Variants in PLA2R1 observed in about 807,000 individuals in gnomAD.
PLA2R1 encodes the protein secretory phospholipase A2 receptor.
A neutral mutation model predicts 195.9 loss-of-function variants in PLA2R1; 158 were observed. That is an observed-to-expected ratio of 0.81 (90% CI 0.71 to 0.92). The LOEUF (loss-of-function observed/expected upper bound fraction) is 0.92. PLA2R1 is among the 40% of genes least tolerant of loss of function. The pLI is 0.00. For synonymous variants in PLA2R1, 586 were observed against 598.2 expected, an observed-to-expected ratio of 0.98 and a Z score of 0.30; for missense variants, 1,626 against 1,764.6, an observed-to-expected ratio of 0.92 and a Z score of 1.41.
At chr2:159,987,495 T>A in intron 11 of PLA2R1, 137 bp from the exon 12 acceptor site, 2 of 632,986 alleles carry the variant, frequency 3.2e-6, no homozygotes, top group South Asian at 1.9e-5. Flanking sequence ...TGAAAACGAA[T>A]GTCTTATTGA....
chr2:160,005,211 T>C (rs1691892873), intron 11 of PLA2R1, among the ~76,000 whole-genome samples: 1 of 152,192 alleles, frequency 6.6e-6, no homozygotes, highest in African/African-American at 2.4e-5. Context: ...TCCCAGCACT[T>C]TGGGAGGCCA....
chr2:160,016,853 G>A (rs1361776517), intron 8 of PLA2R1, 141 bp from the exon 9 acceptor site: 1 of 605,984 alleles, frequency 1.7e-6, no homozygotes, highest in Admixed American at 2.9e-5. Context: ...CTTTGTCACG[G>A]AAAGGGTTGA....
chr2:160,029,772 A>G (rs1399678723), intron 4 of PLA2R1, among the ~76,000 whole-genome samples: 1 of 152,102 alleles, frequency 6.6e-6, no homozygotes, highest in Non-Finnish European at 1.5e-5. Flanking sequence ...TTTCGGGGGG[A>G]AAAAAACCAA....
Position 160,057,293 on chromosome 2 carries a change from G to C in PLA2R1, c.109+5002C>G, listed in dbSNP as rs1695613400. 2.6e-5 allele frequency among the ~76,000 whole-genome samples: 4 copies of C among 152,158 alleles called. No individual in the cohort carries two copies. The South Asian group carries it at 6.2e-4, about 24-fold the overall frequency. ...AAGTAATGCTTCATGTCAGTGGCCA[G>C]TGCCTGTTTCCCAGGAGGCCTGGCT... On this transcript the variant is annotated intron_variant, in intron 1 of 29. Coordinates refer to ENST00000283243, the MANE Select transcript of PLA2R1 (RefSeq NM_007366.5).
In PLA2R1 at chr2:159,949,626, T is replaced by C. The variant is rs1310917123; in HGVS notation, c.3691A>G (p.Ile1231Val). 1 of 1,613,906 alleles carries C rather than the reference T, an allele frequency of 6.2e-7. No individual in the cohort carries two copies. Among genetic ancestry groups the C allele is most frequent in the Non-Finnish European group, 8.5e-7 (1 of 1,179,800 alleles). Residue 1231 changes from isoleucine (I) to valine (V), a missense_variant, in exon 25 of 30, where the codon ATT (isoleucine) becomes GTT (valine). Physicochemically the swap from Ile to Val is conservative, Grantham distance 29. Transcript: ENST00000283243. ...AACCTACCAGGTGGCACATGACAAA[T>C]GGCACCTTGCAGAAATGACTCGCAG... ...TACESFLQGAICHVPPETRQS... is the reference protein window; with the variant it reads ...TACESFLQGAVCHVPPETRQS...
intron 20 of PLA2R1, among the ~76,000 whole-genome samples, chr2:159,957,645 G>A (rs573849857): frequency 7.2e-5 from 11 of 152,282 alleles, no homozygotes; most frequent in South Asian, 2.1e-4. Flanking sequence ...GAGCCACTGC[G>A]CCCTGCCACA....
At chr2:159,963,039 T>C (rs1404846361) in intron 20 of PLA2R1, among the ~76,000 whole-genome samples, 1 of 152,016 alleles carries the variant, frequency 6.6e-6, no homozygotes, top group East Asian at 1.9e-4. Context: ...TATAAAAAAA[T>C]CCTCTTTTAC....
At position 160,005,815 on chromosome 2, in the gene PLA2R1, T is replaced by C. The variant is rs1691945107; in HGVS notation, c.1671A>G (p.Glu557=). 6.2e-7 allele frequency: 1 copy of C among 1,609,860 alleles called. No homozygotes were observed. Among genetic ancestry groups the C allele is most frequent in the Non-Finnish European group, 8.5e-7 (1 of 1,176,440 alleles). The stretch of plus-strand genomic sequence containing the variant: ...TGATCAAACTGGTAATAAAAGCCTG[T>C]TCAAACCTTAAAAGGGGAAAAAAGA... ...PALVTITNRF[E]QAFITSLISS... is the part of the protein sequence containing the mutation. The change falls in exon 11 of 30, where the codon GAA becomes GAG. Residue 557 remains glutamate, a synonymous_variant. Coordinates refer to ENST00000283243, the MANE Select transcript of PLA2R1 (RefSeq NM_007366.5).
At chr2:160,026,962 C>T (rs535208270) in intron 6 of PLA2R1, among the ~76,000 whole-genome samples, 6 of 152,264 alleles carry the variant, frequency 3.9e-5, no homozygotes, top group South Asian at 4.1e-4. Flanking sequence ...GGTGAAACCC[C>T]GTCTCTATAA....
In PLA2R1 at chr2:160,028,202, A is replaced by C. The variant is rs1164598602; in HGVS notation, c.1099+16T>G. The C allele has an allele frequency of 6.4e-7, 1 of 1,552,460 alleles. No homozygotes were observed. Among genetic ancestry groups the C allele is most frequent in the East Asian group, 2.3e-5 (1 of 44,120 alleles). On this transcript the variant is annotated intron_variant, in intron 6 of 29. Transcript: ENST00000283243. ...GTCAACAACACCTAAGAACAACTTA[A>C]AATAAAAACGCTTACCAACTATTTC...
chr2:159,979,428 C>T (rs995442133), intron 14 of PLA2R1, among the ~76,000 whole-genome samples: 2 of 152,018 alleles, frequency 1.3e-5, no homozygotes, highest in African/African-American at 4.8e-5. Flanking sequence ...AAATCATTCT[C>T]CAAAATAATC....
chr2:159,967,459 C>T (rs963161293), intron 20 of PLA2R1, 80 bp downstream of exon 20: 6 of 1,269,128 alleles, frequency 4.7e-6, no homozygotes, highest in Non-Finnish European at 6.6e-6. Flanking sequence ...CTTTCAAAAG[C>T]CACTTTCACT....
intron 4 of PLA2R1, among the ~76,000 whole-genome samples, 182 bp from the exon 5 acceptor site, chr2:160,029,145 G>A (rs1025816640): frequency 4.6e-5 from 7 of 152,300 alleles, no homozygotes; most frequent in Admixed American, 6.5e-5. Context: ...AACAGAGCAG[G>A]CTCACTGACA....
intron 2 of PLA2R1, among the ~76,000 whole-genome samples, chr2:160,044,265 T>C (rs1694727944): frequency 6.6e-6 from 1 of 152,158 alleles, no homozygotes; most frequent in African/African-American, 2.4e-5. Context: ...TAGTCTGTCA[T>C]TTCTCTTCAA....
At chr2:159,997,948 G>T (rs1349700636) in intron 11 of PLA2R1, among the ~76,000 whole-genome samples, 1 of 152,114 alleles carries the variant, frequency 6.6e-6, no homozygotes, top group Non-Finnish European at 1.5e-5. Flanking sequence ...TTAACAGAGA[G>T]AATGTAAACT....
At chr2:160,061,116 G>A (rs1574002274) in intron 1 of PLA2R1, among the ~76,000 whole-genome samples, 1 of 152,220 alleles carries the variant, frequency 6.6e-6, no homozygotes, top group South Asian at 2.1e-4. Context: ...CGCAGATATT[G>A]ATCACATCTT....
In PLA2R1 at chr2:159,935,506, T is replaced by C. The variant is rs999261247; in HGVS notation, c.*6272A>G. 1.4e-4 allele frequency: 21 copies of C among 152,342 alleles called. 1 individual carries two copies. In the South Asian group the frequency reaches 2.7e-3, roughly 20 times the overall value. The allele number at this position is 152,342 out of a possible 1,614,324, so 9.4% of individuals were successfully genotyped here. On this transcript the variant is annotated 3_prime_UTR_variant, in exon 30 of 30. Coordinates refer to ENST00000283243, the MANE Select transcript of PLA2R1 (RefSeq NM_007366.5). ...TATGGACACACAGATATTTATTGTG[T>C]GGGTTATAATCCAATATTATAATTT...
intron 10 of PLA2R1, among the ~76,000 whole-genome samples, chr2:160,007,078 T>G (rs1208678329): frequency 6.6e-6 from 1 of 152,252 alleles, no homozygotes; most frequent in Non-Finnish European, 1.5e-5. Context: ...ATAACCTAAA[T>G]AGCACACATT....
intron 28 of PLA2R1, among the ~76,000 whole-genome samples, chr2:159,943,228 C>T (rs1687188518): frequency 6.6e-6 from 1 of 152,116 alleles, no homozygotes; most frequent in African/African-American, 2.4e-5. Context: ...CCTCTGCCTC[C>T]CAAAGTGCTG....
Sources: allele counts gnomAD v4.1 joint callset (sites outside exome capture counted in the v4.1 genomes callset), GRCh38; gene constraint gnomAD v4.1.1; transcripts MANE v1.5; gene names NCBI Gene and HGNC (gene_info 2026-07-23, HGNC 2026-07-21).